Variants in PTK7 observed in about 807,000 individuals in gnomAD.
PTK7 encodes protein tyrosine kinase 7 (inactive), also known as inactive tyrosine-protein kinase 7.
Under a neutral mutation model 116.6 loss-of-function variants are expected in PTK7, and 39 were observed. The observed-to-expected ratio is 0.33, with a 90% CI of 0.26 to 0.44. The LOEUF is 0.44. PTK7 is among the 20% of genes least tolerant of loss of function. The pLI, the probability that PTK7 is intolerant of heterozygous loss-of-function variation, is 1.00. For missense variants in PTK7, 1,169 were observed against 1,425.6 expected (o/e 0.82, Z 2.90); for synonymous variants, 546 against 563.6 (o/e 0.97, Z 0.44).
At chr6:43,136,739 C>T (rs1014591973) in intron 7 of PTK7, among the ~76,000 whole-genome samples, 6 of 152,078 alleles carry the variant, frequency 3.9e-5, no homozygotes, top group African/African-American at 1.2e-4. Context: ...CAGTGGCTCA[C>T]GCTGCAATCC....
rs1312592277 is a variant in PTK7 at position 43,132,052 on chromosome 6, C to T, written c.849C>T (p.Asn283=). 9.9e-6 allele frequency: 16 copies of T among 1,613,996 alleles called. No individual in the cohort carries two copies. The highest frequency in any genetic ancestry group is 4.5e-5 in the East Asian group (2 of 44,894). ...PHLRRATVFA[N]GSLLLTQVRP... is the part of the protein sequence containing the mutation. ...TCCGCAGAGCCACAGTGTTTGCCAACGGGTCTCTGCTGCTGACCCAGGTCC... is the reference window on the plus strand; with the variant it reads ...TCCGCAGAGCCACAGTGTTTGCCAATGGGTCTCTGCTGCTGACCCAGGTCC... The change falls in exon 6 of 20, where the codon AAC becomes AAT. Residue 283 remains asparagine, a synonymous_variant. Transcript: ENST00000230419.
Position 43,141,064 on chromosome 6 carries a change from A to G in PTK7, c.1619-604A>G, listed in dbSNP as rs545643257. Reference sequence around the variant, plus strand: ...CCCCCTTTTTTTTCATTGCTGCAATAAACATCTTTAAGCCAAAGTTTTTTT... The same window carrying G: ...CCCCCTTTTTTTTCATTGCTGCAATGAACATCTTTAAGCCAAAGTTTTTTT... On this transcript the variant is annotated intron_variant, in intron 10 of 19. Coordinates refer to ENST00000230419, the MANE Select transcript of PTK7 (RefSeq NM_002821.5). The surrounding 1 kb of genome is among the most constrained non-coding windows in gnomAD (Gnocchi z 4.9). 2.0e-4 allele frequency among the ~76,000 whole-genome samples: 31 copies of G among 152,196 alleles called. No individual in the cohort carries two copies. The highest frequency in any genetic ancestry group is 6.7e-4 in the African/African-American group (28 of 41,512).
chr6:43,102,949 A>T lies in PTK7; in HGVS notation c.80-26028A>T, dbSNP rs7750411. Among the ~76,000 whole-genome samples, 1,022 of 152,304 alleles carry T rather than the reference A, an allele frequency of 6.7e-3. 7 individuals carry two copies. The highest frequency in any genetic ancestry group is 0.023 in the African/African-American group (947 of 41,556). On this transcript the variant is annotated intron_variant, in intron 1 of 19. Transcript: ENST00000230419. The stretch of plus-strand genomic sequence containing the variant: ...ACCCTGTCACTTACAGGAAAAAAAA[A>T]GACTGAAAGTCTAAATAAAGTTCAT...
chr6:43,124,926 A>G (rs1190854981), intron 1 of PTK7, among the ~76,000 whole-genome samples: 2 of 151,710 alleles, frequency 1.3e-5, no homozygotes, highest in Non-Finnish European at 1.5e-5. Flanking sequence ...TAATCCCAGC[A>G]CTTTGGGAGG....
At chr6:43,111,230 G>C (rs1326115369) in intron 1 of PTK7, among the ~76,000 whole-genome samples, 1 of 152,212 alleles carries the variant, frequency 6.6e-6, no homozygotes, top group African/African-American at 2.4e-5. Context: ...GCAATCAGTA[G>C]CTACCCCTCT....
rs150045164 is a variant in PTK7, at chr6:43,144,535, C to G, written c.2336C>G (p.Thr779Ser). ...LTSLGSGPAA[T>S]NKRHSTSDKM... is the part of the protein sequence containing the mutation. ...AGCTTGGGCTCCGGCCCCGCGGCCACCAACAAACGCCACAGCACAAGTGAT... is the reference window on the plus strand; with the variant it reads ...AGCTTGGGCTCCGGCCCCGCGGCCAGCAACAAACGCCACAGCACAAGTGAT... The change falls in exon 15 of 20, where the codon ACC becomes AGC. Residue 779 changes from threonine (T) to serine (S), a missense_variant. Around this residue, in one of 3 missense-constraint regions of PTK7, gnomAD observed 678 missense variants for 853.8 expected, o/e 0.79. Transcript: ENST00000230419. 1 of 1,614,114 alleles carries G rather than the reference C, an allele frequency of 6.2e-7. No individual in the cohort carries two copies. Among genetic ancestry groups the G allele is most frequent in the African/African-American group, 1.3e-5 (1 of 74,944 alleles).
chr6:43,147,686 C>T (rs1770802589), intron 17 of PTK7, among the ~76,000 whole-genome samples: 1 of 152,216 alleles, frequency 6.6e-6, no homozygotes, highest in Non-Finnish European at 1.5e-5. Context: ...CCCCCAATCT[C>T]TCTGGGGAAG....
chr6:43,151,534 GT>G (rs200011172), intron 17 of PTK7, among the ~76,000 whole-genome samples: 65,344 of 120,178 alleles, frequency 0.54, 17,825 homozygotes, highest in African/African-American at 0.77. Context: ...TTTGTTTTTT[GT>G]TTTTTTTTTT....
chr6:43,117,434 A>C (rs989993119), intron 1 of PTK7, among the ~76,000 whole-genome samples: 2 of 152,204 alleles, frequency 1.3e-5, no homozygotes, highest in African/African-American at 4.8e-5. Flanking sequence ...TGTGGAGGGA[A>C]TGTGGGTAAC....
At chr6:43,150,007 A>G (rs1165440763) in intron 17 of PTK7, among the ~76,000 whole-genome samples, 1 of 152,196 alleles carries the variant, frequency 6.6e-6, no homozygotes, top group East Asian at 1.9e-4. Context: ...AGTTAGTGAC[A>G]GAAATCAAAG....
Position 43,132,130 on chromosome 6 carries a change from A to G in PTK7, c.927A>G (p.Pro309=). ...YRCIGQGQRG[P]PIILEATLHL... ...GCATTGGCCAGGGGCAGAGGGGCCCACCCATCATCCTGGAAGCCACACTTC... is the reference window on the plus strand; with the variant it reads ...GCATTGGCCAGGGGCAGAGGGGCCCGCCCATCATCCTGGAAGCCACACTTC... Residue 309 remains proline (P), a synonymous_variant, in exon 6 of 20, where the codon CCA becomes CCG. Transcript: ENST00000230419. 2 of 1,612,462 alleles carry G rather than the reference A, an allele frequency of 1.2e-6. No homozygotes were observed. Among genetic ancestry groups the G allele is most frequent in the Non-Finnish European group, 1.7e-6 (2 of 1,178,962 alleles).
chr6:43,098,677 A>G (rs1034124002), intron 1 of PTK7, among the ~76,000 whole-genome samples: 4 of 152,358 alleles, frequency 2.6e-5, no homozygotes, highest in Admixed American at 2.6e-4. Context: ...TTTTAAAAGT[A>G]GTAAACGGTA....
chr6:43,124,735 C>G (rs1402010939), intron 1 of PTK7, among the ~76,000 whole-genome samples: 2 of 152,194 alleles, frequency 1.3e-5, no homozygotes, highest in Non-Finnish European at 2.9e-5. Context: ...GGGCAGATGG[C>G]CAGGCTGGGC....
rs1173188904 is a variant in PTK7, at chr6:43,080,049, C to CAA, written c.79+3501_79+3502dup. The stretch of plus-strand genomic sequence containing the variant: ...GCACTTCGGTCTGGGTGACAGAGTT[C>CAA]AAAAAAAAAAAAAAAAAAAAGGGCA... On this transcript the variant is annotated intron_variant, in intron 1 of 19. Coordinates refer to ENST00000230419, the MANE Select transcript of PTK7 (RefSeq NM_002821.5). Among the ~76,000 whole-genome samples, 60 of 56,818 alleles carry CAA rather than the reference C, an allele frequency of 1.1e-3. 1 individual carries two copies. The highest frequency in any genetic ancestry group is 2.9e-3 in the African/African-American group (46 of 16,124). The allele number at this position is 56,818 out of a possible 152,430, so 37.3% of individuals were successfully genotyped here. A position where few individuals can be genotyped will look rare whatever the true frequency, so the allele number is the denominator to read the frequency against.
intron 1 of PTK7, among the ~76,000 whole-genome samples, chr6:43,092,663 A>G (rs1207360184): frequency 6.6e-6 from 1 of 152,176 alleles, no homozygotes; most frequent in African/African-American, 2.4e-5. Flanking sequence ...TAAATAATGG[A>G]GCATCTTCTA....
Position 43,141,606 on chromosome 6 carries a change from G to T in PTK7, c.1619-62G>T, listed in dbSNP as rs914896626. On this transcript the variant is annotated intron_variant, in intron 10 of 19. Transcript: ENST00000230419. The surrounding 1 kb of genome is among the most constrained non-coding windows in gnomAD (Gnocchi z 4.9). ...TTTGAGTAGAGGTGAGGGACTGAAGGCATTGCCAGCTGTCTGTGTAACCCT... is the reference window on the plus strand; with the variant it reads ...TTTGAGTAGAGGTGAGGGACTGAAGTCATTGCCAGCTGTCTGTGTAACCCT... 11 of 1,552,170 alleles carry T rather than the reference G, an allele frequency of 7.1e-6. No homozygotes were observed. Among genetic ancestry groups the T allele is most frequent in the Non-Finnish European group, 8.8e-6 (10 of 1,135,382 alleles).
chr6:43,076,944 G>C lies in PTK7; in HGVS notation c.79+377G>C. 2 of 1,514,828 alleles carry C rather than the reference G, an allele frequency of 1.3e-6. No individual in the cohort carries two copies. The highest frequency in any genetic ancestry group is 5.0e-5 in the East Asian group (2 of 39,904). The allele number at this position is 1,514,828 out of a possible 1,614,324, so 93.8% of individuals were successfully genotyped here. A position where few individuals can be genotyped will look rare whatever the true frequency, so the allele number is the denominator to read the frequency against. On this transcript the variant is annotated intron_variant, in intron 1 of 19. Transcript: ENST00000230419. The surrounding 1 kb of genome is among the most constrained non-coding windows in gnomAD (Gnocchi z 5.7). ...CGCACCCACCGTGGGGAGCGCGATG[G>C]AGAAAAAGGAATTCCCCACCCCACC...
chr6:43,123,617 G>A (rs1769094449), intron 1 of PTK7, among the ~76,000 whole-genome samples: 2 of 151,962 alleles, frequency 1.3e-5, no homozygotes, highest in Non-Finnish European at 2.9e-5. Flanking sequence ...TGGGGGTGGA[G>A]GGCAGGCACG....
At chr6:43,095,372 TAAAC>T (rs538127931) in intron 1 of PTK7, among the ~76,000 whole-genome samples, 6 of 152,156 alleles carry the variant, frequency 3.9e-5, no homozygotes, top group East Asian at 1.9e-4. Flanking sequence ...AACTCTGTCT[TAAAC>T]AAACAAACAA....
Sources: gnomAD v4.1 joint callset for allele counts (sites outside exome capture counted in the v4.1 genomes callset) on GRCh38, gnomAD v4.1.1 for gene constraint, gnomAD v4.1.1 regional missense constraint, Gnocchi (gnomAD v3.1) non-coding constraint, MANE v1.5 for transcripts, NCBI Gene and HGNC (gene_info 2026-07-23, HGNC 2026-07-21) for gene names.